CCL11: variants seen among roughly 807,000 people sequenced by gnomAD.
The protein encoded by CCL11 is eotaxin.
CCL11 carries 7 observed loss-of-function variants against 7.3 expected under a neutral mutation model. The observed-to-expected ratio is 0.96, with a 90% CI of 0.55 to 1.81. The LOEUF is 1.81. Ranked by LOEUF, CCL11 falls within the 40% of genes most tolerant of loss-of-function variation. The pLI, the probability that CCL11 is intolerant of heterozygous loss-of-function variation, is 0.00. For missense variants in CCL11, 132 were observed against 114.2 expected (o/e 1.16, Z -0.71); for synonymous variants, 66 against 45.2 (o/e 1.46, Z -1.84).
At chr17:34,286,548 G>A (rs1908638640) in intron 1 of CCL11, among the ~76,000 whole-genome samples, 2 of 152,198 alleles carry the variant, frequency 1.3e-5, no homozygotes, top group South Asian at 4.1e-4. Flanking sequence ...TTATACTCAG[G>A]ATTCTAGACT....
At chr17:34,287,238 C>T (rs1567648391) in intron 2 of CCL11, 31 bp downstream of exon 2, 1 of 1,467,572 alleles carries the variant, frequency 6.8e-7, no homozygotes, top group East Asian at 2.3e-5. Flanking sequence ...CTCCCCTAGA[C>T]AAAAAAATAA....
Position 34,287,698 on chromosome 17 carries a change from C to G in CCL11, c.*8C>G. The G allele has an allele frequency of 6.3e-7, 1 of 1,594,680 alleles. No individual in the cohort carries two copies. Among genetic ancestry groups the G allele is most frequent in the Non-Finnish European group, 8.6e-7 (1 of 1,162,758 alleles). ...CCAACTCCAAAGCCATAAATAATCA[C>G]CATTTTTGAAACCAAACCAGAGCCT... On this transcript the variant is annotated 3_prime_UTR_variant, in exon 3 of 3. Coordinates refer to ENST00000305869, the MANE Select transcript of CCL11 (RefSeq NM_002986.3).
At chr17:34,287,441 A>G in intron 2 of CCL11, 144 bp from the exon 3 acceptor site, 3 of 665,486 alleles carry the variant, frequency 4.5e-6, no homozygotes, top group Non-Finnish European at 8.0e-6. Flanking sequence ...GGCCTTTAAG[A>G]GCAGCAACTA....
chr17:34,287,184 C>T lies in CCL11; in HGVS notation c.165C>T (p.Gly55=), dbSNP rs200431917. ...RLESYRRITS[G]KCPQKAVIFK... is the part of the protein sequence containing the mutation. The stretch of plus-strand genomic sequence containing the variant: ...AGAGCTACAGGAGAATCACCAGTGG[C>T]AAATGTCCCCAGAAAGCTGTGATGT... The change falls in exon 2 of 3, where the codon GGC becomes GGT. Residue 55 remains glycine, a synonymous_variant. Transcript: ENST00000305869. 5.0e-6 allele frequency: 8 copies of T among 1,613,080 alleles called. No homozygotes were observed. The highest frequency in any genetic ancestry group is 6.8e-6 in the Non-Finnish European group (8 of 1,179,214).
In CCL11 at chr17:34,287,832, A is replaced by ATTTTT. The variant is rs1567648694; in HGVS notation, c.*142_*143insTTTTT. The ATTTTT allele has an allele frequency of 1.6e-5, 5 of 320,778 alleles. No homozygotes were observed. Among genetic ancestry groups the ATTTTT allele is most frequent in the African/African-American group, 1.1e-4 (5 of 46,358 alleles). 19.9% of individuals were successfully genotyped at this position (320,778 alleles called of 1,614,324 possible). A position where few individuals can be genotyped will look rare whatever the true frequency, so the allele number is the denominator to read the frequency against. The stretch of plus-strand genomic sequence containing the variant: ...TATATATATATTTTTTTTTTTAAAA[A>ATTTTT]AAAAACGTATTGCATTTAATTTATT... On this transcript the variant is annotated 3_prime_UTR_variant, in exon 3 of 3. Transcript: ENST00000305869.
intron 2 of CCL11, 76 bp from the exon 3 acceptor site, chr17:34,287,509 G>T: frequency 1.9e-6 from 2 of 1,028,558 alleles, no homozygotes; most frequent in African/African-American, 1.6e-5. Flanking sequence ...GGGGCAGATG[G>T]TCCTTAAATA....
At chr17:34,285,951 A>G (rs1489876137) in intron 1 of CCL11, 67 bp downstream of exon 1, 1 of 1,074,752 alleles carries the variant, frequency 9.3e-7, no homozygotes, top group Non-Finnish European at 1.4e-6. Flanking sequence ...GTCAGCAAGA[A>G]TCTTTACAGA....
intron 2 of CCL11, 91 bp downstream of exon 2, chr17:34,287,298 G>C (rs1248899135): frequency 1.1e-6 from 1 of 906,514 alleles, no homozygotes; most frequent in South Asian, 1.5e-5. Flanking sequence ...GGGAGTCATA[G>C]ACTCTGATAG....
Position 34,287,807 on chromosome 17 carries a change from T to TAC in CCL11, c.*118_*119insCA, listed in dbSNP as rs1908684905. 3.1e-6 allele frequency: 1 copy of TAC among 325,814 alleles called. No homozygotes were observed. Among genetic ancestry groups the TAC allele is most frequent in the Non-Finnish European group, 5.2e-6 (1 of 193,064 alleles). The allele number at this position is 325,814 out of a possible 1,614,324, so 20.2% of individuals were successfully genotyped here. A position where few individuals can be genotyped will look rare whatever the true frequency, so the allele number is the denominator to read the frequency against. ...AGTCCAAAGGGCATGGGTTTTATTA[T>TAC]ATATATATATTTTTTTTTTTAAAAA... On this transcript the variant is annotated 3_prime_UTR_variant, in exon 3 of 3. Transcript: ENST00000305869.
chr17:34,287,737 T>C lies in CCL11; in HGVS notation c.*47T>C, dbSNP rs767017905. Reference sequence around the variant, plus strand: ...AAACCAGAGCCTGAGTGTTGCCTAATTTGTTTTCCCTTCTTACAATGCATT... The same window carrying C: ...AAACCAGAGCCTGAGTGTTGCCTAACTTGTTTTCCCTTCTTACAATGCATT... On this transcript the variant is annotated 3_prime_UTR_variant, in exon 3 of 3. Transcript: ENST00000305869. 3 of 1,319,532 alleles carry C rather than the reference T, an allele frequency of 2.3e-6. No individual in the cohort carries two copies. Among genetic ancestry groups the C allele is most frequent in the Non-Finnish European group, 3.3e-6 (3 of 916,908 alleles). The allele number at this position is 1,319,532 out of a possible 1,614,324, so 81.7% of individuals were successfully genotyped here.
rs200454183 is a variant in CCL11, at chr17:34,287,804, TTA to T, written c.*126_*127del. 17 of 372,956 alleles carry T rather than the reference TTA, an allele frequency of 4.6e-5. No homozygotes were observed. The highest frequency in any genetic ancestry group is 6.7e-4 in the Middle Eastern group (1 of 1,502). The allele number at this position is 372,956 out of a possible 1,614,324, so 23.1% of individuals were successfully genotyped here. ...ATCAGTCCAAAGGGCATGGGTTTTATTATATATATATATTTTTTTTTTTAAAA... is the reference window on the plus strand; with the variant it reads ...ATCAGTCCAAAGGGCATGGGTTTTATTATATATATATTTTTTTTTTTAAAA... On this transcript the variant is annotated 3_prime_UTR_variant, in exon 3 of 3. Coordinates refer to ENST00000305869, the MANE Select transcript of CCL11 (RefSeq NM_002986.3).
In CCL11 at chr17:34,287,671, C is replaced by T. The variant is rs1375083020; in HGVS notation, c.275C>T (p.Ser92Phe). The change falls in exon 3 of 3, where the codon TCT becomes TTT. Residue 92 changes from serine to phenylalanine, a missense_variant. Physicochemically the swap from Ser to Phe is radical, Grantham distance 155 (BLOSUM62 -2). Transcript: ENST00000305869. ...QDSMKYLDQK[S>F]PTPKP ...TCCATGAAGTATCTGGACCAAAAAT[C>T]TCCAACTCCAAAGCCATAAATAATC... 4 of 1,612,474 alleles carry T rather than the reference C, an allele frequency of 2.5e-6. No homozygotes were observed. The highest frequency in any genetic ancestry group is 3.4e-6 in the Non-Finnish European group (4 of 1,178,634).
rs202178630 is a variant in CCL11 at position 34,285,897 on chromosome 17, A to G, written c.76+13A>G. Reference sequence around the variant, plus strand: ...CTCGCTGGGCCAGGTAAGCCCCCCAACTCCTTACAGGAAAGGTAAGGTAAC... The same window carrying G: ...CTCGCTGGGCCAGGTAAGCCCCCCAGCTCCTTACAGGAAAGGTAAGGTAAC... On this transcript the variant is annotated intron_variant, in intron 1 of 2. Transcript: ENST00000305869. 9.2e-5 allele frequency: 146 copies of G among 1,594,928 alleles called. No homozygotes were observed. The African/African-American group carries it at 1.4e-3, about 15-fold the overall frequency.
At chr17:34,286,575 A>AT (rs773192091) in intron 1 of CCL11, among the ~76,000 whole-genome samples, 10 of 152,366 alleles carry the variant, frequency 6.6e-5, no homozygotes, top group South Asian at 2.1e-4. Context: ...GAAGTTGCCC[A>AT]TGTGGGGGAA....
In CCL11 at chr17:34,285,816, T is replaced by C. The variant is rs1311102956; in HGVS notation, c.8T>C (p.Val3Ala). ...ACACCTTCAGCCTCCAACATGAAGG[T>C]CTCCGCAGCACTTCTGTGGCTGCTG... is the stretch of plus-strand genomic sequence containing the variant. MK[V>A]SAALLWLLLI... The change falls in exon 1 of 3, where the codon GTC (valine) becomes GCC (alanine). Residue 3 changes from valine to alanine, a missense_variant. Transcript: ENST00000305869. 3 of 1,611,946 alleles carry C rather than the reference T, an allele frequency of 1.9e-6. No homozygotes were observed. The highest frequency in any genetic ancestry group is 2.2e-5 in the South Asian group (2 of 90,802).
At position 34,287,727 on chromosome 17, in the gene CCL11, T is replaced by G. The variant is rs768733712; in HGVS notation, c.*37T>G. ...TTTTGAAACCAAACCAGAGCCTGAG[T>G]GTTGCCTAATTTGTTTTCCCTTCTT... On this transcript the variant is annotated 3_prime_UTR_variant, in exon 3 of 3. Transcript: ENST00000305869. 2 of 1,396,038 alleles carry G rather than the reference T, an allele frequency of 1.4e-6. No homozygotes were observed. The highest frequency in any genetic ancestry group is 1.4e-5 in the African/African-American group (1 of 70,436). 86.5% of individuals were successfully genotyped at this position (1,396,038 alleles called of 1,614,324 possible). A position where few individuals can be genotyped will look rare whatever the true frequency, so the allele number is the denominator to read the frequency against.
chr17:34,286,984 C>T (rs955369243), intron 1 of CCL11, 112 bp from the exon 2 acceptor site: 13 of 710,488 alleles, frequency 1.8e-5, no homozygotes, highest in Middle Eastern at 2.5e-4. Flanking sequence ...CTCCACCTCT[C>T]GCAATTCCTT....
At chr17:34,286,421 G>A (rs1908634900) in intron 1 of CCL11, among the ~76,000 whole-genome samples, 1 of 152,184 alleles carries the variant, frequency 6.6e-6, no homozygotes, top group Non-Finnish European at 1.5e-5. Context: ...CCAGTGCATA[G>A]CATGGTAACA....
intron 1 of CCL11, 74 bp from the exon 2 acceptor site, chr17:34,287,022 C>A: frequency 2.0e-6 from 2 of 992,882 alleles, no homozygotes; most frequent in Non-Finnish European, 3.2e-6. Flanking sequence ...TTTACAAAGT[C>A]ATGCTTGGAA....
Sources: gnomAD v4.1 joint callset for allele counts (sites outside exome capture counted in the v4.1 genomes callset) on GRCh38, gnomAD v4.1.1 for gene constraint, MANE v1.5 for transcripts, NCBI Gene and HGNC (gene_info 2026-07-23, HGNC 2026-07-21) for gene names.